LARGE1: variants seen among roughly 807,000 people sequenced by gnomAD.
The protein encoded by LARGE1 is LARGE xylosyl- and glucuronyltransferase 1.
Under a neutral mutation model 87.6 loss-of-function variants are expected in LARGE1, and 43 were observed. The observed-to-expected ratio is 0.49, with a 90% CI of 0.38 to 0.63. The LOEUF is 0.63. Among genes scored for constraint, LARGE1 ranks in the 30% least tolerant of loss-of-function variants. The pLI is 0.00. For missense variants in LARGE1, 802 were observed against 1,000.2 expected (o/e 0.80, Z 2.67); for synonymous variants, 434 against 394.6 (o/e 1.10, Z -1.18).
intron 6 of LARGE1, among the ~76,000 whole-genome samples, chr22:33,477,292 G>A (rs2069120770): frequency 6.6e-6 from 1 of 152,038 alleles, no homozygotes; most frequent in African/African-American, 2.4e-5. Context: ...TCCAAGAAAG[G>A]GTTTGCTGTC....
chr22:33,453,761 T>A (rs2068029550), intron 6 of LARGE1, among the ~76,000 whole-genome samples: 1 of 152,208 alleles, frequency 6.6e-6, no homozygotes, highest in African/African-American at 2.4e-5. Flanking sequence ...CCAGTTTCTA[T>A]GATGGTTTTG....
intron 2 of LARGE1, among the ~76,000 whole-genome samples, chr22:33,671,337 A>G (rs1283283626): frequency 6.6e-6 from 1 of 152,246 alleles, no homozygotes; most frequent in Non-Finnish European, 1.5e-5. Flanking sequence ...AGCCATCATG[A>G]GATGTCTAGA....
chr22:33,416,337 T>C (rs1438454761), intron 7 of LARGE1, among the ~76,000 whole-genome samples: 4 of 152,152 alleles, frequency 2.6e-5, no homozygotes, highest in Non-Finnish European at 4.4e-5. Flanking sequence ...TGCTGCTCTG[T>C]TGAACAGCAA....
At chr22:33,697,648 T>C (rs1274246602) in intron 2 of LARGE1, among the ~76,000 whole-genome samples, 2 of 150,170 alleles carry the variant, frequency 1.3e-5, no homozygotes, top group African/African-American at 2.4e-5. Flanking sequence ...GTCCCACAGC[T>C]AATTATTGGC....
In LARGE1 at chr22:33,310,188, G is replaced by A. The variant is rs552741491; in HGVS notation, c.1452-5681C>T. 5.9e-4 allele frequency among the ~76,000 whole-genome samples: 90 copies of A among 152,228 alleles called. 1 individual carries two copies. The Middle Eastern group carries it at 0.01, about 17-fold the overall frequency. On this transcript the variant is annotated intron_variant, in intron 11 of 14. Transcript: ENST00000397394. ...TGCAATGCTGTGTTGCTGGTTCCAG[G>A]AGCAGGCTTGAAGCAACGCTGTTCT...
chr22:33,333,164 C>G (rs866120593), intron 10 of LARGE1, among the ~76,000 whole-genome samples: 1 of 151,970 alleles, frequency 6.6e-6, no homozygotes, highest in Non-Finnish European at 1.5e-5. Context: ...CCACTACAGG[C>G]GCCCACCACC....
chr22:33,526,197 G>A (rs1172855416), intron 6 of LARGE1, among the ~76,000 whole-genome samples: 1 of 152,134 alleles, frequency 6.6e-6, no homozygotes, highest in African/African-American at 2.4e-5. Context: ...AATGTTTTAC[G>A]ACTGTATTTA....
intron 2 of LARGE1, among the ~76,000 whole-genome samples, chr22:33,660,381 C>T (rs922426320): frequency 6.6e-6 from 1 of 152,074 alleles, no homozygotes; most frequent in Non-Finnish European, 1.5e-5. Context: ...GTTTAGAAAA[C>T]CGTCATTGGA....
intron 6 of LARGE1, among the ~76,000 whole-genome samples, chr22:33,452,937 G>C (rs967195284): frequency 2.0e-5 from 3 of 152,202 alleles, no homozygotes; most frequent in Non-Finnish European, 4.4e-5. Flanking sequence ...AGGCCTGGTA[G>C]AGAGGAATTA....
At chr22:33,885,205 G>A (rs535475663) in intron 1 of LARGE1, among the ~76,000 whole-genome samples, 2 of 90,000 alleles carry the variant, frequency 2.2e-5, no homozygotes, top group African/African-American at 7.4e-5. Context: ...TTCCACAGGC[G>A]ATACCATGCT....
At position 33,593,643 on chromosome 22, in the gene LARGE1, C is replaced by T. The variant is rs186259106; in HGVS notation, c.615+10792G>A. ...TATGTGTTACTGAGCACTTAAAATA[C>T]GCAAGTCCAAAGTGAGACGTTCAAA... is the stretch of plus-strand genomic sequence containing the variant. On this transcript the variant is annotated intron_variant, in intron 5 of 14. Transcript: ENST00000397394. Among the ~76,000 whole-genome samples, 573 of 152,234 alleles carry T rather than the reference C, an allele frequency of 3.8e-3. 2 individuals carry two copies. Among genetic ancestry groups the T allele is most frequent in the African/African-American group, 0.013 (535 of 41,516 alleles).
chr22:33,672,446 T>G (rs1050948413), intron 2 of LARGE1, among the ~76,000 whole-genome samples: 2 of 152,192 alleles, frequency 1.3e-5, no homozygotes, highest in Non-Finnish European at 2.9e-5. Context: ...TTGCCAAGTC[T>G]GTGAGAAAGA....
intron 11 of LARGE1, among the ~76,000 whole-genome samples, chr22:33,167,930 T>C (rs1401283764): frequency 6.6e-6 from 1 of 152,102 alleles, no homozygotes; most frequent in Non-Finnish European, 1.5e-5. Context: ...ATACCCCAAT[T>C]AACAAAATGA....
At chr22:33,882,915 G>A (rs926200900) in intron 1 of LARGE1, among the ~76,000 whole-genome samples, 4 of 152,138 alleles carry the variant, frequency 2.6e-5, no homozygotes, top group Admixed American at 1.3e-4. Flanking sequence ...CCTCACGTGC[G>A]TCTACAAATC....
At chr22:33,596,407 G>A (rs9609837) in intron 5 of LARGE1, among the ~76,000 whole-genome samples, 12,948 of 152,160 alleles carry the variant, frequency 0.085, 680 homozygotes, top group African/African-American at 0.14. Context: ...CCATGACAGA[G>A]GCCAGAGGTA....
At chr22:33,725,978 G>C (rs1027840107) in intron 2 of LARGE1, 2 of 152,072 alleles carry the variant, frequency 1.3e-5, no homozygotes, top group Admixed American at 6.6e-5. Flanking sequence ...TAGTAGGTTC[G>C]GAAAGCTGCA....
chr22:33,545,258 C>A (rs1048271952), intron 6 of LARGE1, among the ~76,000 whole-genome samples: 1 of 136,484 alleles, frequency 7.3e-6, no homozygotes, highest in Non-Finnish European at 1.5e-5. Flanking sequence ...CTATGTCTTT[C>A]CTTTTCTTTT....
intron 10 of LARGE1, among the ~76,000 whole-genome samples, chr22:33,334,409 C>CAAA (rs529074589): frequency 2.0e-4 from 8 of 39,046 alleles, no homozygotes; most frequent in African/African-American, 9.0e-4. Context: ...GACTCTGTCT[C>CAAA]AAAAAAAAAA....
At chr22:33,656,670 T>A (rs535414253) in intron 2 of LARGE1, among the ~76,000 whole-genome samples, 1 of 152,224 alleles carries the variant, frequency 6.6e-6, no homozygotes, top group African/African-American at 2.4e-5. Context: ...AGTCTATGTA[T>A]GAACATGATG....
Sources: gnomAD v4.1 joint callset for allele counts (sites outside exome capture counted in the v4.1 genomes callset) on GRCh38, gnomAD v4.1.1 for gene constraint, MANE v1.5 for transcripts, NCBI Gene and HGNC (gene_info 2026-07-23, HGNC 2026-07-21) for gene names.